Variants in MYO18B observed in about 807,000 individuals in gnomAD.
MYO18B encodes unconventional myosin-XVIIIb.
Under a neutral mutation model 273.0 loss-of-function variants are expected in MYO18B, and 204 were observed. That is an observed-to-expected ratio of 0.75 (90% confidence interval 0.67 to 0.84). The LOEUF is 0.84. Among genes scored for constraint, MYO18B ranks in the 40% least tolerant of loss-of-function variants. The probability of loss-of-function intolerance (pLI) is 0.00; values close to 1 mark genes in which losing one functional copy is unlikely to be tolerated. For synonymous variants in MYO18B, 1,330 were observed against 1,305.7 expected, an observed-to-expected ratio of 1.02 and a Z score of -0.40; for missense variants, 3,212 against 3,287.6, an observed-to-expected ratio of 0.98 and a Z score of 0.56.
intron 1 of MYO18B, among the ~76,000 whole-genome samples, chr22:25,750,374 C>T (rs549503586): frequency 1.4e-4 from 22 of 152,288 alleles, no homozygotes; most frequent in Admixed American, 6.5e-4. Context: ...TTGGAAGAGT[C>T]CACAGGGTCA....
intron 34 of MYO18B, among the ~76,000 whole-genome samples, chr22:25,926,298 T>G (rs1352482633): frequency 6.6e-6 from 1 of 152,114 alleles, no homozygotes; most frequent in Non-Finnish European, 1.5e-5. Flanking sequence ...AGGTGTTTTT[T>G]TTTTTAAGAC....
In MYO18B at chr22:26,026,552, C is replaced by G; in HGVS notation, c.6578C>G (p.Ser2193Cys). 6.2e-7 allele frequency: 1 copy of G among 1,613,948 alleles called. No individual in the cohort carries two copies. The highest frequency in any genetic ancestry group is 8.5e-7 in the Non-Finnish European group (1 of 1,179,894). Residue 2193 changes from serine to cysteine, a missense_variant, in exon 43 of 44, where the codon TCT becomes TGT. Physicochemically the swap from Ser to Cys is moderately radical, Grantham distance 112. Coordinates refer to ENST00000335473, the MANE Select transcript of MYO18B (RefSeq NM_032608.7). The part of the protein sequence containing the change: ...HSKTSGDKPV[S>C]PHFVRRQKYC... ...AAGACCTCAGGAGACAAGCCTGTTTCTCCCCACTTTGTCCGCCGGCAAAAG... is the reference window on the plus strand; with the variant it reads ...AAGACCTCAGGAGACAAGCCTGTTTGTCCCCACTTTGTCCGCCGGCAAAAG...
At chr22:25,967,743 A>G (rs550790219) in intron 39 of MYO18B, among the ~76,000 whole-genome samples, 1 of 152,326 alleles carries the variant, frequency 6.6e-6, no homozygotes, top group Non-Finnish European at 1.5e-5. Context: ...GTAATGAAAA[A>G]GTTTCATGAC....
chr22:25,786,386 G>A (rs186085953), intron 11 of MYO18B, among the ~76,000 whole-genome samples: 50 of 152,164 alleles, frequency 3.3e-4, no homozygotes, highest in African/African-American at 1.1e-3. Flanking sequence ...AGGATGAATA[G>A]GAGTTCACCA....
At chr22:26,045,940 G>A in the MYO18B span, among the ~76,000 whole-genome samples, 5 of 152,210 alleles carry the variant, frequency 3.3e-5, no homozygotes, top group Admixed American at 1.3e-4. Flanking sequence ...CTGATACAAT[G>A]AGTTAGTTGT....
chr22:25,818,688 A>G (rs1203506669), intron 12 of MYO18B, among the ~76,000 whole-genome samples: 5 of 152,182 alleles, frequency 3.3e-5, no homozygotes. Flanking sequence ...CTGCAGGGGA[A>G]GTCTCTGCAG....
At chr22:25,788,941 A>G (rs967968938) in intron 11 of MYO18B, among the ~76,000 whole-genome samples, 1 of 152,228 alleles carries the variant, frequency 6.6e-6, no homozygotes, top group African/African-American at 2.4e-5. Context: ...GGAGAGCAAG[A>G]GTCCACCTTG....
chr22:25,772,678 A>G (rs1345053737), intron 7 of MYO18B, among the ~76,000 whole-genome samples, 168 bp downstream of exon 7: 1 of 152,306 alleles, frequency 6.6e-6, no homozygotes, highest in Non-Finnish European at 1.5e-5. Flanking sequence ...GGACCATGAG[A>G]TTCCCCCATT....
At chr22:26,059,588 AG>A in the MYO18B span, among the ~76,000 whole-genome samples, 1 of 152,226 alleles carries the variant, frequency 6.6e-6, no homozygotes, top group African/African-American at 2.4e-5. Flanking sequence ...TTTGGGAAAG[AG>A]GACGGTGTCT....
rs1014270343 is a variant in MYO18B, at chr22:25,992,260, G to T, written c.6157-103G>T. On this transcript the variant is annotated intron_variant, in intron 39 of 43. Transcript: ENST00000335473. ...GAACTTACCACTTCATAGGTGCTCA[G>T]TGAACACTAGGCTCAGCCTGGGGCG... The T allele has an allele frequency of 2.4e-5, 35 of 1,462,168 alleles. No individual in the cohort carries two copies. In the African/African-American group the frequency reaches 3.7e-4, roughly 16 times the overall value. 90.6% of individuals were successfully genotyped at this position (1,462,168 alleles called of 1,614,324 possible).
At chr22:26,036,815 C>T in the MYO18B span, among the ~76,000 whole-genome samples, 1 of 152,172 alleles carries the variant, frequency 6.6e-6, no homozygotes, top group Non-Finnish European at 1.5e-5. Context: ...AGTGGCCTCA[C>T]CCTTGGTAAA....
intron 39 of MYO18B, among the ~76,000 whole-genome samples, chr22:25,985,673 A>G (rs572110645): frequency 1.0e-5 from 1 of 97,082 alleles, no homozygotes; most frequent in Non-Finnish European, 2.6e-5. Flanking sequence ...TCTGTCACCT[A>G]GGCTGGAGTG....
intron 11 of MYO18B, among the ~76,000 whole-genome samples, chr22:25,795,255 C>T (rs1255526920): frequency 6.6e-6 from 1 of 152,152 alleles, no homozygotes; most frequent in Non-Finnish European, 1.5e-5. Flanking sequence ...TTTCTTTTGT[C>T]AGGGCACTCT....
chr22:25,947,541 CA>C (rs1232599059), intron 35 of MYO18B, among the ~76,000 whole-genome samples, 170 bp from the exon 36 acceptor site: 52 of 141,312 alleles, frequency 3.7e-4, no homozygotes, highest in African/African-American at 1.2e-3. Context: ...CACACACACA[CA>C]CCAAGCTGTT....
intron 17 of MYO18B, among the ~76,000 whole-genome samples, chr22:25,837,858 A>G (rs969285435): frequency 7.2e-5 from 11 of 152,188 alleles, no homozygotes; most frequent in African/African-American, 2.7e-4. Context: ...GGGGCCCATG[A>G]AAATGTTGTT....
chr22:25,960,858 C>A (rs2092910490), intron 39 of MYO18B, among the ~76,000 whole-genome samples: 1 of 152,112 alleles, frequency 6.6e-6, no homozygotes, highest in Non-Finnish European at 1.5e-5. Context: ...GCTAAGAAAT[C>A]TTTTATGGGG....
chr22:25,820,419 A>G (rs1440349623), intron 12 of MYO18B, among the ~76,000 whole-genome samples: 1 of 152,208 alleles, frequency 6.6e-6, no homozygotes, highest in African/African-American at 2.4e-5. Flanking sequence ...TACTTGAAGA[A>G]TTGGGCCCTC....
At chr22:25,880,643 A>G (rs2091308693) in intron 25 of MYO18B, among the ~76,000 whole-genome samples, 1 of 152,228 alleles carries the variant, frequency 6.6e-6, no homozygotes, top group Admixed American at 6.5e-5. Context: ...TGTGTTAGAC[A>G]TTTGACTGGA....
At chr22:25,913,919 C>A (rs1277470240) in intron 33 of MYO18B, among the ~76,000 whole-genome samples, 1 of 152,124 alleles carries the variant, frequency 6.6e-6, no homozygotes, top group Non-Finnish European at 1.5e-5. Context: ...AGATACTGTT[C>A]TTTGAGTTCA....
Sources: gnomAD v4.1 joint callset for allele counts (sites outside exome capture counted in the v4.1 genomes callset) on GRCh38, gnomAD v4.1.1 for gene constraint, MANE v1.5 for transcripts, NCBI Gene and HGNC (gene_info 2026-07-23, HGNC 2026-07-21) for gene names.